The following HSPA12A variants were observed in gnomAD, a reference collection of about 807,000 sequenced individuals.
HSPA12A encodes heat shock 70 kDa protein 12A.
HSPA12A carries 28 observed loss-of-function variants against 69.2 expected under a neutral mutation model. The ratio of observed to expected loss-of-function variants is 0.40; its 90% CI spans 0.30 to 0.55. The LOEUF (loss-of-function observed/expected upper bound fraction) is 0.55. Ranked by LOEUF, HSPA12A falls within the 20% of genes least tolerant of loss-of-function variation. The pLI is 0.38. For synonymous variants in HSPA12A, 345 were observed against 370.5 expected, an observed-to-expected ratio of 0.93 and a Z score of 0.79; for missense variants, 686 against 900.7, an observed-to-expected ratio of 0.76 and a Z score of 3.05.
chr10:116,684,841 C>T (rs1016251418), intron 6 of HSPA12A, among the ~76,000 whole-genome samples: 1 of 152,198 alleles, frequency 6.6e-6, no homozygotes, highest in Non-Finnish European at 1.5e-5. Context: ...TGACATCTGA[C>T]CAGTCCCAGT....
chr10:116,847,892 T>C (rs550775439), intron 1 of HSPA12A, among the ~76,000 whole-genome samples: 5 of 152,228 alleles, frequency 3.3e-5, no homozygotes, highest in South Asian at 4.2e-4. Flanking sequence ...GGGCTGAACT[T>C]TGTGGTCCAG....
At chr10:116,690,427 T>C (rs1454614583) in intron 6 of HSPA12A, among the ~76,000 whole-genome samples, 1 of 152,186 alleles carries the variant, frequency 6.6e-6, no homozygotes, top group African/African-American at 2.4e-5. Context: ...AATTGAATGA[T>C]CGCCGCCCTC....
chr10:116,697,949 G>A (rs572240781), intron 5 of HSPA12A, among the ~76,000 whole-genome samples: 1 of 152,174 alleles, frequency 6.6e-6, no homozygotes, highest in African/African-American at 2.4e-5. Flanking sequence ...TCTGTATCTG[G>A]CTTCTTTCAC....
intron 2 of HSPA12A, among the ~76,000 whole-genome samples, chr10:116,827,853 C>A (rs892433505): frequency 6.6e-6 from 1 of 152,192 alleles, no homozygotes; most frequent in African/African-American, 2.4e-5. Flanking sequence ...CCTCTAAATT[C>A]TCTGCGGCAG....
At chr10:116,678,132 A>C (rs1409720703) in intron 10 of HSPA12A, among the ~76,000 whole-genome samples, 1 of 152,036 alleles carries the variant, frequency 6.6e-6, no homozygotes, top group Admixed American at 6.5e-5. Flanking sequence ...ATGAGGAAGG[A>C]GTGATGGACC....
At chr10:116,704,154 T>A (rs1850163666) in intron 3 of HSPA12A, among the ~76,000 whole-genome samples, 1 of 152,196 alleles carries the variant, frequency 6.6e-6, no homozygotes. Context: ...TAAAGACACA[T>A]GCACACGTAT....
chr10:116,842,007 A>G (rs1324747406), intron 1 of HSPA12A, among the ~76,000 whole-genome samples: 2 of 152,214 alleles, frequency 1.3e-5, no homozygotes, highest in Non-Finnish European at 2.9e-5. Context: ...TAATATTACC[A>G]TAAGATTCAT....
At chr10:116,754,928 T>C (rs1843800035) in intron 2 of HSPA12A, among the ~76,000 whole-genome samples, 1 of 152,190 alleles carries the variant, frequency 6.6e-6, no homozygotes, top group Non-Finnish European at 1.5e-5. Context: ...TTAGAAATTA[T>C]GTCAAAAGAA....
chr10:116,751,516 T>C (rs1014892989), intron 2 of HSPA12A, among the ~76,000 whole-genome samples: 4 of 152,112 alleles, frequency 2.6e-5, no homozygotes, highest in Non-Finnish European at 5.9e-5. Flanking sequence ...TTGTGAAAAA[T>C]TTCAAGGATC....
At chr10:116,740,678 G>GTGTGTC (rs1564804008) in intron 1 of HSPA12A, among the ~76,000 whole-genome samples, 2 of 50,570 alleles carry the variant, frequency 4.0e-5, no homozygotes, top group African/African-American at 7.5e-5. Context: ...GTGTGTGTCT[G>GTGTGTC]TGTGTGTGTG....
At chr10:116,707,998 C>G (rs905013802) in intron 1 of HSPA12A, 1 of 153,032 alleles carries the variant, frequency 6.5e-6, no homozygotes, top group Admixed American at 6.5e-5. Context: ...GGGCCAGCAG[C>G]TAAGCAGCAG....
intron 2 of HSPA12A, among the ~76,000 whole-genome samples, chr10:116,764,749 A>C: frequency 6.6e-6 from 1 of 152,312 alleles, no homozygotes. Context: ...TAAAGAGCAA[A>C]CCCTATATTT....
At position 116,706,968 on chromosome 10, in the gene HSPA12A, G is replaced by A. The variant is rs531212800; in HGVS notation, c.126+232C>T. On this transcript the variant is annotated intron_variant, in intron 2 of 11. Coordinates refer to ENST00000369209, the MANE Select transcript of HSPA12A (RefSeq NM_025015.3). ...CCCTGCTCCAGAAGCACTAGCCACA[G>A]CACAGAAAGCCTTCCCAGGCTCGGA... Among the ~76,000 whole-genome samples the A allele has an allele frequency of 2.6e-5, 4 of 152,296 alleles. No individual in the cohort carries two copies. In the East Asian group the frequency reaches 7.7e-4, roughly 29 times the overall value.
intron 1 of HSPA12A, among the ~76,000 whole-genome samples, chr10:116,715,345 T>C (rs1850573410): frequency 6.6e-6 from 1 of 152,204 alleles, no homozygotes; most frequent in African/African-American, 2.4e-5. Context: ...TAGTGGATCC[T>C]AACTCAAACA....
At chr10:116,694,677 C>T (rs1186957932) in intron 5 of HSPA12A, among the ~76,000 whole-genome samples, 1 of 152,144 alleles carries the variant, frequency 6.6e-6, no homozygotes, top group Non-Finnish European at 1.5e-5. Context: ...CTCAGGAGCC[C>T]CTGTGCGCTC....
intron 2 of HSPA12A, among the ~76,000 whole-genome samples, chr10:116,795,551 T>G (rs2930274): frequency 0.81 from 120,758 of 148,182 alleles, 51,421 homozygotes; most frequent in Non-Finnish European, 0.93. Context: ...CCAGGCGTGG[T>G]GGAACGTGCC....
At chr10:116,813,823 G>A (rs1275226691) in intron 2 of HSPA12A, among the ~76,000 whole-genome samples, 1 of 152,152 alleles carries the variant, frequency 6.6e-6, no homozygotes, top group Non-Finnish European at 1.5e-5. Flanking sequence ...GATTAAGGCT[G>A]CAGTGAGCTG....
chr10:116,779,349 T>C (rs1184635509), intron 2 of HSPA12A, among the ~76,000 whole-genome samples: 1 of 152,104 alleles, frequency 6.6e-6, no homozygotes, highest in African/African-American at 2.4e-5. Flanking sequence ...CAGTGGGGCC[T>C]GGGTGAATCT....
chr10:116,755,595 G>C, intron 2 of HSPA12A, among the ~76,000 whole-genome samples: 1 of 130,928 alleles, frequency 7.6e-6, no homozygotes, highest in South Asian at 2.6e-4. Context: ...CTGGGTGAAA[G>C]AGTGAGACTG....
Sources: gnomAD v4.1 joint callset for allele counts (sites outside exome capture counted in the v4.1 genomes callset) on GRCh38, gnomAD v4.1.1 for gene constraint, MANE v1.5 for transcripts, NCBI Gene and HGNC (gene_info 2026-07-23, HGNC 2026-07-21) for gene names.